Variants in NSUN6 observed in about 807,000 individuals in gnomAD.
The protein encoded by NSUN6 is NOP2/Sun RNA methyltransferase 6.
A neutral mutation model predicts 58.0 loss-of-function variants in NSUN6; 64 were observed. That is an observed-to-expected ratio of 1.10 (90% CI 0.90 to 1.36). The LOEUF (loss-of-function observed/expected upper bound fraction) is 1.36. Ranked by LOEUF, NSUN6 falls within the 40% of genes most tolerant of loss-of-function variation. The probability of loss-of-function intolerance (pLI) is 0.00; values close to 1 mark genes in which losing one functional copy is unlikely to be tolerated. For synonymous variants in NSUN6, 231 were observed against 193.9 expected, an observed-to-expected ratio of 1.19 and a Z score of -1.59; for missense variants, 701 against 550.1, an observed-to-expected ratio of 1.27 and a Z score of -2.74.
upstream of NSUN6, chr10:18,652,796 C>A (rs187135379): frequency 1.0e-4 from 61 of 599,746 alleles, no homozygotes; most frequent in African/African-American, 1.2e-3. Flanking sequence ...CTGACTTCAA[C>A]TGATCTGACT....
At chr10:18,577,620 A>G (rs191106735) in intron 8 of NSUN6, among the ~76,000 whole-genome samples, 126 of 152,360 alleles carry the variant, frequency 8.3e-4, no homozygotes, top group African/African-American at 2.5e-3. Flanking sequence ...GAAGAGAAAG[A>G]GCTATAAGGA....
chr10:18,620,719 A>G (rs1233671731), intron 3 of NSUN6, among the ~76,000 whole-genome samples: 1 of 152,180 alleles, frequency 6.6e-6, no homozygotes, highest in East Asian at 1.9e-4. Context: ...AGTCCTTCCT[A>G]TTCTATGCTC....
At chr10:18,653,873 A>G (rs544751319), upstream of NSUN6, among the ~76,000 whole-genome samples, 1 of 152,326 alleles carries the variant, frequency 6.6e-6, no homozygotes, top group South Asian at 2.1e-4. Context: ...AGTTCTTCAT[A>G]TGGGCGACAT....
chr10:18,652,054 TCATAGGGTTCA>T (rs2059719352), upstream of NSUN6: 3 of 985,412 alleles, frequency 3.0e-6, no homozygotes, highest in South Asian at 4.7e-5. Flanking sequence ...GTTGTGAAGT[TCATAGGGTTCA>T]TATTTTTGAA....
intron 8 of NSUN6, among the ~76,000 whole-genome samples, chr10:18,578,231 A>ATTTTT (rs71402184): frequency 0.14 from 16,612 of 120,560 alleles, 1,395 homozygotes; most frequent in Admixed American, 0.16. Flanking sequence ...CTCTAAGCCT[A>ATTTTT]TTTTTTTTTT....
intron 6 of NSUN6, among the ~76,000 whole-genome samples, chr10:18,608,822 C>A (rs193039388): frequency 6.6e-6 from 1 of 151,958 alleles, no homozygotes; most frequent in Non-Finnish European, 1.5e-5. Context: ...TAAACAAGCA[C>A]AAAAAAACTC....
At chr10:18,621,676 G>GA (rs2058611916) in intron 3 of NSUN6, among the ~76,000 whole-genome samples, 1 of 152,148 alleles carries the variant, frequency 6.6e-6, no homozygotes, top group South Asian at 2.1e-4. Context: ...ATAGGTTGGA[G>GA]AAAAAAACTA....
chr10:18,627,570 A>G (rs1259692583), intron 3 of NSUN6, among the ~76,000 whole-genome samples: 1 of 152,190 alleles, frequency 6.6e-6, no homozygotes, highest in Non-Finnish European at 1.5e-5. Context: ...TGCCCGAGCC[A>G]AAGCAGGGCG....
intron 10 of NSUN6, among the ~76,000 whole-genome samples, chr10:18,547,910 AG>A (rs1297490096): frequency 6.6e-6 from 1 of 152,236 alleles, no homozygotes; most frequent in Admixed American, 6.5e-5. Context: ...ACACAATGGC[AG>A]GAACAAAGAT....
At chr10:18,568,178 T>C (rs2056103336) in intron 8 of NSUN6, among the ~76,000 whole-genome samples, 1 of 151,436 alleles carries the variant, frequency 6.6e-6, no homozygotes, top group African/African-American at 2.4e-5. Flanking sequence ...ATCCATTCTA[T>C]TCCATTCTCC....
intron 3 of NSUN6, among the ~76,000 whole-genome samples, chr10:18,623,534 G>T (rs1227601047): frequency 6.6e-6 from 1 of 152,128 alleles, no homozygotes; most frequent in African/African-American, 2.4e-5. Context: ...TATTACTTAG[G>T]ACCAGGACCA....
At chr10:18,612,012 T>C (rs920617966) in intron 5 of NSUN6, among the ~76,000 whole-genome samples, 5 of 152,184 alleles carry the variant, frequency 3.3e-5, no homozygotes, top group African/African-American at 1.2e-4. Flanking sequence ...ACTCAGTTGC[T>C]GCTCCAGTCA....
chr10:18,644,808 C>G (rs1485077413), intron 2 of NSUN6, among the ~76,000 whole-genome samples: 2 of 150,840 alleles, frequency 1.3e-5, no homozygotes, highest in African/African-American at 4.9e-5. Context: ...CCACTGCACT[C>G]CAGCCTGGGC....
At chr10:18,602,757 C>A (rs2057897620) in intron 6 of NSUN6, among the ~76,000 whole-genome samples, 1 of 152,116 alleles carries the variant, frequency 6.6e-6, no homozygotes, top group Non-Finnish European at 1.5e-5. Flanking sequence ...CTATTTTTTA[C>A]TATTGGGTCT....
At chr10:18,584,015 T>G (rs1198742858) in intron 8 of NSUN6, among the ~76,000 whole-genome samples, 1 of 152,138 alleles carries the variant, frequency 6.6e-6, no homozygotes, top group Non-Finnish European at 1.5e-5. Context: ...TAACTAAGCC[T>G]CCAAGACAGA....
chr10:18,558,932 G>A lies in NSUN6; in HGVS notation c.923-6961C>T, dbSNP rs1399274314. Among the ~76,000 whole-genome samples the A allele has an allele frequency of 2.0e-5, 3 of 150,764 alleles. 1 individual carries two copies. The highest frequency in any genetic ancestry group is 7.3e-5 in the African/African-American group (3 of 40,984). On this transcript the variant is annotated intron_variant, in intron 8 of 10. Transcript: ENST00000377304. Reference sequence around the variant, plus strand: ...AATGGAATGGAATTGAGAATGGACTGGACAATGGAATGGAAGGGAGAATGG... The same window carrying A: ...AATGGAATGGAATTGAGAATGGACTAGACAATGGAATGGAAGGGAGAATGG...
At chr10:18,607,612 C>A (rs2058089160) in intron 6 of NSUN6, among the ~76,000 whole-genome samples, 1 of 152,178 alleles carries the variant, frequency 6.6e-6, no homozygotes, top group South Asian at 2.1e-4. Flanking sequence ...TTGCTTAAAG[C>A]CCTTACCCCC....
Position 18,651,440 on chromosome 10 carries a change from G to C in NSUN6, c.-237C>G. On this transcript the variant is annotated 5_prime_UTR_variant, in exon 1 of 11. The change creates a new upstream start codon in the 5' untranslated region. Transcript: ENST00000377304. The stretch of plus-strand genomic sequence containing the variant: ...CATCGAGGCAATGTTTTCTGGTAGA[G>C]ATGCTCATGGAAATCACTGAGCCAA... 8.2e-7 allele frequency: 1 copy of C among 1,213,968 alleles called. No individual in the cohort carries two copies. The highest frequency in any genetic ancestry group is 1.0e-6 in the Non-Finnish European group (1 of 975,384). The allele number at this position is 1,213,968 out of a possible 1,614,324, so 75.2% of individuals were successfully genotyped here. A position where few individuals can be genotyped will look rare whatever the true frequency, so the allele number is the denominator to read the frequency against.
At chr10:18,585,886 T>C (rs2057111704) in intron 8 of NSUN6, 63 bp downstream of exon 8, 1 of 1,260,856 alleles carries the variant, frequency 7.9e-7, no homozygotes, top group Non-Finnish European at 1.1e-6. Flanking sequence ...TGTCAAAACA[T>C]CACACTGTAT....
Sources: gnomAD v4.1 joint callset for allele counts (sites outside exome capture counted in the v4.1 genomes callset) on GRCh38, gnomAD v4.1.1 for gene constraint, MANE v1.5 for transcripts, NCBI Gene and HGNC (gene_info 2026-07-23, HGNC 2026-07-21) for gene names.